The following MACROD2 variants were observed in gnomAD, a reference collection of about 807,000 sequenced individuals.
MACROD2 encodes the protein mono-ADP ribosylhydrolase 2, also known as ADP-ribose glycohydrolase MACROD2.
In MACROD2, 36 loss-of-function variants were observed where a neutral mutation model predicts 70.4. The observed-to-expected ratio is 0.51, with a 90% CI of 0.39 to 0.68. The LOEUF (loss-of-function observed/expected upper bound fraction) is 0.68. MACROD2 is among the 30% of genes least tolerant of loss of function. MACROD2 has a pLI of 0.00. For missense variants in MACROD2, 496 were observed against 538.4 expected (o/e 0.92, Z 0.78); for synonymous variants, 172 against 178.8 (o/e 0.96, Z 0.30).
intron 7 of MACROD2, among the ~76,000 whole-genome samples, chr20:15,432,699 T>C (rs1475118320): frequency 6.6e-6 from 1 of 150,546 alleles, no homozygotes; most frequent in Non-Finnish European, 1.5e-5. Flanking sequence ...TTCATTGCAA[T>C]CTTGATTTTC....
chr20:14,208,789 G>A (rs1220730788), intron 3 of MACROD2, among the ~76,000 whole-genome samples: 1 of 152,160 alleles, frequency 6.6e-6, no homozygotes, highest in East Asian at 1.9e-4. Context: ...GGTGGTATGA[G>A]CCTCAAAAAG....
intron 3 of MACROD2, among the ~76,000 whole-genome samples, chr20:14,430,164 T>A (rs1280552089): frequency 6.6e-6 from 1 of 152,148 alleles, no homozygotes; most frequent in Non-Finnish European, 1.5e-5. Context: ...AGGTTTATGG[T>A]TCCAGGGCAA....
At chr20:14,973,294 C>T (rs545688615) in intron 5 of MACROD2, among the ~76,000 whole-genome samples, 2 of 135,280 alleles carry the variant, frequency 1.5e-5, no homozygotes, top group South Asian at 2.5e-4. Context: ...TGCAGTGGTG[C>T]GATCTTGGTT....
chr20:14,264,611 A>G (rs974384844), intron 3 of MACROD2, among the ~76,000 whole-genome samples: 3 of 152,170 alleles, frequency 2.0e-5, no homozygotes, highest in Non-Finnish European at 2.9e-5. Context: ...TGTCTCTAAG[A>G]GCAGAGGGTT....
intron 7 of MACROD2, among the ~76,000 whole-genome samples, chr20:15,466,383 C>A (rs1045963491): frequency 6.6e-6 from 1 of 152,132 alleles, no homozygotes; most frequent in Non-Finnish European, 1.5e-5. Context: ...GTTGACAATC[C>A]CACCTGCATA....
intron 6 of MACROD2, among the ~76,000 whole-genome samples, chr20:15,279,249 CA>C (rs1393359160): frequency 6.6e-6 from 1 of 152,180 alleles, no homozygotes; most frequent in Non-Finnish European, 1.5e-5. Context: ...AAGGTCATGG[CA>C]TTTTGAACCC....
intron 4 of MACROD2, among the ~76,000 whole-genome samples, chr20:14,543,695 A>G (rs1007214665): frequency 6.6e-6 from 1 of 152,234 alleles, no homozygotes; most frequent in Non-Finnish European, 1.5e-5. Context: ...CCTGATAATC[A>G]TAAGTTGAAA....
At chr20:16,007,682 G>A (rs183614172) in intron 15 of MACROD2, among the ~76,000 whole-genome samples, 1 of 152,080 alleles carries the variant, frequency 6.6e-6, no homozygotes, top group East Asian at 1.9e-4. Context: ...AGGGTATGAG[G>A]AGTAAAATAT....
At chr20:14,373,758 C>A (rs1385873037) in intron 3 of MACROD2, among the ~76,000 whole-genome samples, 1 of 152,142 alleles carries the variant, frequency 6.6e-6, no homozygotes, top group Non-Finnish European at 1.5e-5. Context: ...CGAGAGTACA[C>A]CTAAATACAG....
chr20:15,575,960 C>G (rs1830777839), intron 8 of MACROD2, among the ~76,000 whole-genome samples: 1 of 152,174 alleles, frequency 6.6e-6, no homozygotes, highest in Admixed American at 6.5e-5. Flanking sequence ...TCTATCTTTA[C>G]TTTTAAAATA....
intron 5 of MACROD2, among the ~76,000 whole-genome samples, chr20:15,125,085 T>C (rs1318390187): frequency 6.6e-6 from 1 of 152,112 alleles, no homozygotes; most frequent in East Asian, 1.9e-4. Context: ...ATTATACCGC[T>C]TTTGTGAAAT....
intron 8 of MACROD2, among the ~76,000 whole-genome samples, chr20:15,819,318 T>C (rs1191836740): frequency 7.0e-6 from 1 of 141,998 alleles, no homozygotes; most frequent in African/African-American, 2.6e-5. Flanking sequence ...TATATACTTA[T>C]ATATAAATAT....
intron 10 of MACROD2, among the ~76,000 whole-genome samples, chr20:15,929,960 T>C (rs192601546): frequency 9.2e-5 from 14 of 152,340 alleles, no homozygotes; most frequent in African/African-American, 2.9e-4. Context: ...TTCTGTGCTT[T>C]TTCAGCATGG....
Position 15,463,206 on chromosome 20 carries a change from C to A in MACROD2, c.571+31771C>A, listed in dbSNP as rs549721395. Among the ~76,000 whole-genome samples the A allele has an allele frequency of 2.6e-5, 4 of 152,164 alleles. No individual in the cohort carries two copies. The South Asian group carries it at 8.3e-4, about 32-fold the overall frequency. ...TTACACTACATTCCATGTGTCAATG[C>A]CAACAGGAGGAATGACCGCCTGAAG... On this transcript the variant is annotated intron_variant, in intron 7 of 17. Transcript: ENST00000684519.
At chr20:14,492,907 C>CA in intron 3 of MACROD2, among the ~76,000 whole-genome samples, 1 of 151,718 alleles carries the variant, frequency 6.6e-6, no homozygotes, top group Non-Finnish European at 1.5e-5. Flanking sequence ...AATGTGTGTG[C>CA]GGGGTTAATA....
intron 3 of MACROD2, among the ~76,000 whole-genome samples, chr20:14,235,027 G>A (rs2081855996): frequency 6.6e-6 from 1 of 152,002 alleles, no homozygotes; most frequent in Non-Finnish European, 1.5e-5. Context: ...GAAAAAAAGA[G>A]GCCCACACTG....
chr20:15,675,880 G>A (rs2050050288), intron 8 of MACROD2, among the ~76,000 whole-genome samples: 1 of 152,098 alleles, frequency 6.6e-6, no homozygotes. Context: ...TCAGTGATCA[G>A]GCCAGCTTTT....
intron 10 of MACROD2, among the ~76,000 whole-genome samples, chr20:15,908,953 G>A (rs753065794): frequency 2.0e-5 from 3 of 152,194 alleles, no homozygotes; most frequent in Non-Finnish European, 4.4e-5. Flanking sequence ...CAGGTACTAG[G>A]GATGTATAAA....
chr20:15,563,688 C>G (rs2048274445), intron 8 of MACROD2, among the ~76,000 whole-genome samples: 1 of 151,988 alleles, frequency 6.6e-6, no homozygotes, highest in Non-Finnish European at 1.5e-5. Flanking sequence ...ATGGATTGAT[C>G]AAAGACATAA....
Sources: gnomAD v4.1 joint callset for allele counts (sites outside exome capture counted in the v4.1 genomes callset) on GRCh38, gnomAD v4.1.1 for gene constraint, MANE v1.5 for transcripts, NCBI Gene and HGNC (gene_info 2026-07-23, HGNC 2026-07-21) for gene names.